The following FANCC variants were observed in gnomAD, a reference collection of about 807,000 sequenced individuals.
The protein encoded by FANCC is FA complementation group C, also known as Fanconi anemia group C protein.
FANCC carries 55 observed loss-of-function variants against 71.3 expected under a neutral mutation model. That is an observed-to-expected ratio of 0.77 (90% confidence interval 0.62 to 0.97). FANCC has a LOEUF of 0.97. Among genes scored for constraint, FANCC ranks in the 50% least tolerant of loss-of-function variants. FANCC has a pLI of 0.00. For synonymous variants in FANCC, 275 were observed against 244.9 expected (o/e 1.12, Z -1.15); for missense variants, 678 against 670.9 (o/e 1.01, Z -0.12).
chr9:95,125,634 C>A (rs768790442), intron 9 of FANCC, among the ~76,000 whole-genome samples: 8 of 152,184 alleles, frequency 5.3e-5, no homozygotes, highest in Non-Finnish European at 7.4e-5. Context: ...ATTAATTTTT[C>A]TTTATGTTTG....
At chr9:95,253,774 A>C (rs1270220578) in intron 1 of FANCC, among the ~76,000 whole-genome samples, 1 of 125,922 alleles carries the variant, frequency 7.9e-6, no homozygotes, top group Non-Finnish European at 1.6e-5. Flanking sequence ...GCAGAAGACA[A>C]TTTTTTCATG....
At chr9:95,192,201 G>A (rs974676988) in intron 4 of FANCC, among the ~76,000 whole-genome samples, 4 of 152,194 alleles carry the variant, frequency 2.6e-5, no homozygotes, top group Non-Finnish European at 5.9e-5. Flanking sequence ...TGGGACCAAC[G>A]ACAGGAGGAG....
intron 4 of FANCC, among the ~76,000 whole-genome samples, chr9:95,172,431 T>C (rs1825748280): frequency 6.6e-6 from 1 of 152,252 alleles, no homozygotes; most frequent in African/African-American, 2.4e-5. Context: ...GGAATCTTTA[T>C]TGTTTTTAAA....
intron 11 of FANCC, 69 bp downstream of exon 11, chr9:95,117,246 G>A: frequency 1.5e-6 from 2 of 1,349,128 alleles, no homozygotes; most frequent in Admixed American, 1.7e-5. Flanking sequence ...GCCTGATGAG[G>A]AGGTCATAAT....
At chr9:95,300,445 AAATAC>A (rs1834652921) in intron 1 of FANCC, among the ~76,000 whole-genome samples, 1 of 152,126 alleles carries the variant, frequency 6.6e-6, no homozygotes, top group Non-Finnish European at 1.5e-5. Context: ...TGTAGGAAAT[AAATAC>A]AATTTCTTTT....
intron 1 of FANCC, chr9:95,292,964 C>T (rs1483193413): frequency 1.9e-6 from 3 of 1,577,370 alleles, no homozygotes; most frequent in Middle Eastern, 1.7e-4. Context: ...CTCACATCTA[C>T]CGAACTGGCC....
At chr9:95,164,471 C>T (rs1047865669) in intron 6 of FANCC, among the ~76,000 whole-genome samples, 32 of 151,648 alleles carry the variant, frequency 2.1e-4, no homozygotes, top group African/African-American at 7.8e-4. Context: ...ACATTGAGGT[C>T]ATTTCCTTCT....
chr9:95,123,785 T>C, intron 10 of FANCC: 1 of 699,416 alleles, frequency 1.4e-6, no homozygotes, highest in Non-Finnish European at 2.7e-6. Context: ...GAATCGATCT[T>C]GTGAAGCCCA....
chr9:95,188,388 CCAAG>C (rs1028459107), intron 4 of FANCC, among the ~76,000 whole-genome samples: 6 of 152,248 alleles, frequency 3.9e-5, no homozygotes, highest in Non-Finnish European at 5.9e-5. Flanking sequence ...GCCACTGCCT[CCAAG>C]CACAACTTCA....
chr9:95,152,949 G>A (rs563052737), intron 6 of FANCC, among the ~76,000 whole-genome samples: 6 of 152,004 alleles, frequency 3.9e-5, no homozygotes, highest in African/African-American at 1.2e-4. Flanking sequence ...AAAAAAAATC[G>A]CAAAAAAACT....
intron 1 of FANCC, among the ~76,000 whole-genome samples, chr9:95,280,986 T>G (rs1005378366): frequency 1.3e-5 from 2 of 152,074 alleles, no homozygotes; most frequent in African/African-American, 4.8e-5. Context: ...AAAGACAGGT[T>G]AATTGAAAAT....
chr9:95,191,438 T>C (rs192338085), intron 4 of FANCC, among the ~76,000 whole-genome samples: 94 of 143,608 alleles, frequency 6.5e-4, no homozygotes, highest in African/African-American at 2.3e-3. Flanking sequence ...GCTCAAGCAA[T>C]CCTCTTGCCT....
At chr9:95,114,868 A>G (rs1703868590) in intron 11 of FANCC, among the ~76,000 whole-genome samples, 158 bp from the exon 12 acceptor site, 1 of 152,192 alleles carries the variant, frequency 6.6e-6, no homozygotes, top group African/African-American at 2.4e-5. Context: ...GCCAGTACCT[A>G]TCTCTTAAGC....
In FANCC at chr9:95,150,010, A is replaced by G; in HGVS notation, c.599T>C (p.Val200Ala). ...TCCATGACAGATGAGGAGAGCCTCC[A>G]CCAGGGGGTCAACATCTGTCAGGGT... ...LITLTDVDPLVEALLICHGRE... is the reference protein window; with the variant it reads ...LITLTDVDPLAEALLICHGRE... Residue 200 changes from valine to alanine, a missense_variant, in exon 7 of 15, where the codon GTG (valine) becomes GCG (alanine). Val to Ala is a moderately conservative substitution (Grantham distance 64). Coordinates refer to ENST00000289081, the MANE Select transcript of FANCC (RefSeq NM_000136.3). The G allele has an allele frequency of 1.2e-6, 2 of 1,614,080 alleles. No homozygotes were observed. Among genetic ancestry groups the G allele is most frequent in the African/African-American group, 2.7e-5 (2 of 75,034 alleles).
intron 1 of FANCC, among the ~76,000 whole-genome samples, chr9:95,278,593 C>G (rs1027638037): frequency 6.6e-6 from 1 of 152,120 alleles, no homozygotes; most frequent in Non-Finnish European, 1.5e-5. Context: ...CCAGCAATCA[C>G]AGGGGTAAAC....
intron 1 of FANCC, among the ~76,000 whole-genome samples, chr9:95,299,159 T>C (rs938125372): frequency 6.6e-6 from 1 of 152,238 alleles, no homozygotes; most frequent in Admixed American, 6.5e-5. Flanking sequence ...GCAACAAAAA[T>C]GTGCAGAACC....
intron 12 of FANCC, among the ~76,000 whole-genome samples, chr9:95,112,842 C>T (rs1434421727): frequency 1.3e-5 from 2 of 152,220 alleles, no homozygotes; most frequent in Non-Finnish European, 2.9e-5. Context: ...GGGAGCCCCA[C>T]GAGGTCTAAG....
At chr9:95,284,681 A>G (rs979569260) in intron 1 of FANCC, among the ~76,000 whole-genome samples, 1 of 152,190 alleles carries the variant, frequency 6.6e-6, no homozygotes, top group African/African-American at 2.4e-5. Context: ...TCCACACAGC[A>G]CTATTAACAG....
chr9:95,188,716 C>CTGT (rs1826889644), intron 4 of FANCC, among the ~76,000 whole-genome samples: 1 of 152,190 alleles, frequency 6.6e-6, no homozygotes, highest in Admixed American at 6.5e-5. Context: ...TTCCCACTAA[C>CTGT]TGTTACTTCC....
Sources: gnomAD v4.1 joint callset for allele counts (sites outside exome capture counted in the v4.1 genomes callset) on GRCh38, gnomAD v4.1.1 for gene constraint, MANE v1.5 for transcripts, NCBI Gene and HGNC (gene_info 2026-07-23, HGNC 2026-07-21) for gene names.